Variants in AFF2 observed in about 807,000 individuals in gnomAD.
AFF2 encodes the protein AF4/FMR2 family member 2.
AFF2 carries 14 observed loss-of-function variants against 76.9 expected under a neutral mutation model. That is an observed-to-expected ratio of 0.18 (90% CI 0.12 to 0.28). AFF2 has a LOEUF of 0.28. Ranked by LOEUF, AFF2 falls within the 10% of genes least tolerant of loss-of-function variation. The probability of loss-of-function intolerance (pLI) is 1.00; values close to 1 mark genes in which losing one functional copy is unlikely to be tolerated. For synonymous variants in AFF2, 398 were observed against 366.7 expected, an observed-to-expected ratio of 1.09 and a Z score of -0.98; for missense variants, 868 against 1,001.1, an observed-to-expected ratio of 0.87 and a Z score of 1.79.
intron 16 of AFF2, among the ~76,000 whole-genome samples, chrX:148,976,922 G>A (rs782237443): frequency 1.8e-5 from 2 of 112,608 alleles, no homozygotes; most frequent in South Asian, 7.3e-4. Flanking sequence ...CAGAACTAGA[G>A]CAATAACCAG....
At chrX:148,654,238 G>C (rs1191870421) in intron 2 of AFF2, among the ~76,000 whole-genome samples, 1 of 111,853 alleles carries the variant, frequency 8.9e-6, no homozygotes, top group Non-Finnish European at 1.9e-5. Context: ...GTGCCTCAGA[G>C]AGGTCAGGAA....
At chrX:148,842,092 T>C (rs1291099970) in intron 5 of AFF2, among the ~76,000 whole-genome samples, 1 of 112,505 alleles carries the variant, frequency 8.9e-6, no homozygotes, top group Non-Finnish European at 1.9e-5. Flanking sequence ...CTTGGAACAA[T>C]GATTGATATA....
At chrX:148,817,692 C>CATTTATG (rs1569555920) in intron 4 of AFF2, among the ~76,000 whole-genome samples, 1 of 111,659 alleles carries the variant, frequency 9.0e-6, no homozygotes, top group East Asian at 2.8e-4. Flanking sequence ...ATAATAGTAT[C>CATTTATG]ATTTATGATT....
chrX:148,804,902 A>G (rs2070108068), intron 3 of AFF2, among the ~76,000 whole-genome samples: 1 of 111,881 alleles, frequency 8.9e-6, no homozygotes, highest in Admixed American at 9.4e-5. Flanking sequence ...AGTTTTCCAA[A>G]TTCATTTTGG....
At chrX:148,871,262 G>A (rs782401263) in intron 7 of AFF2, among the ~76,000 whole-genome samples, 1 of 111,091 alleles carries the variant, frequency 9.0e-6, no homozygotes, top group South Asian at 3.9e-4. Context: ...GCCTTACTGT[G>A]GGAGTTACAT....
At chrX:148,973,910 G>T (rs1557289867) in intron 16 of AFF2, among the ~76,000 whole-genome samples, 1 of 111,689 alleles carries the variant, frequency 9.0e-6, no homozygotes, top group African/African-American at 3.3e-5. Flanking sequence ...GTTTAGCATT[G>T]ACTTGTCTTT....
intron 1 of AFF2, among the ~76,000 whole-genome samples, chrX:148,570,578 G>T (rs2053218381): frequency 8.9e-6 from 1 of 111,823 alleles, no homozygotes; most frequent in African/African-American, 3.3e-5. Flanking sequence ...CTGAGACACA[G>T]GACGTTCTCC....
chrX:148,984,757 A>G (rs950793232), intron 19 of AFF2, among the ~76,000 whole-genome samples: 17 of 111,902 alleles, frequency 1.5e-4, no homozygotes, highest in African/African-American at 5.2e-4. Context: ...TTCAAGATGT[A>G]TGTGGTAAAG....
At chrX:148,963,461 G>A (rs1557288341) in intron 13 of AFF2, among the ~76,000 whole-genome samples, 1 of 111,891 alleles carries the variant, frequency 8.9e-6, no homozygotes, top group African/African-American at 3.2e-5. Flanking sequence ...ATAACTCTGG[G>A]CCAATCATGA....
chrX:148,553,340 C>T (rs2053016282), intron 1 of AFF2, among the ~76,000 whole-genome samples: 1 of 111,848 alleles, frequency 8.9e-6, no homozygotes, highest in Non-Finnish European at 1.9e-5. Context: ...TTAATTTTAA[C>T]ACTATATTTT....
chrX:148,590,420 C>A (rs962935346), intron 1 of AFF2, among the ~76,000 whole-genome samples: 5 of 111,601 alleles, frequency 4.5e-5, no homozygotes, highest in Admixed American at 2.9e-4. Flanking sequence ...CCACTAAGAG[C>A]TATTTGCATA....
At chrX:148,573,085 A>G (rs2053248381) in intron 1 of AFF2, among the ~76,000 whole-genome samples, 1 of 111,653 alleles carries the variant, frequency 9.0e-6, no homozygotes, top group Admixed American at 9.6e-5. Context: ...GGTGATGATA[A>G]ATAGCAGACA....
intron 3 of AFF2, among the ~76,000 whole-genome samples, chrX:148,671,113 G>A (rs915959275): frequency 2.7e-5 from 3 of 111,494 alleles, no homozygotes; most frequent in Non-Finnish European, 5.7e-5. Flanking sequence ...AGGTAGATCA[G>A]AGTATTTGGT....
chrX:148,644,789 A>G (rs2054127999), intron 1 of AFF2, among the ~76,000 whole-genome samples: 1 of 111,797 alleles, frequency 8.9e-6, no homozygotes, highest in Admixed American at 9.5e-5. Flanking sequence ...AAAGAAATTT[A>G]TCTATTAATA....
chrX:148,853,453 A>T (rs1485469649), intron 7 of AFF2, among the ~76,000 whole-genome samples: 1 of 111,573 alleles, frequency 9.0e-6, no homozygotes, highest in Non-Finnish European at 1.9e-5. Context: ...TTCATATAAT[A>T]AAACAGAGAT....
At chrX:148,815,957 A>G (rs1490981867) in intron 4 of AFF2, among the ~76,000 whole-genome samples, 1 of 111,843 alleles carries the variant, frequency 8.9e-6, no homozygotes, top group Non-Finnish European at 1.9e-5. Flanking sequence ...GTGATTTTCT[A>G]TTGAATTGGA....
chrX:149,000,416 T>C lies in AFF2; in HGVS notation c.*9084T>C, dbSNP rs1275554483. ...TTCATGTGCTTTATGTGTATAAAAC[T>C]ATATCTGCCTGTGTGGCTTTGCATT... On this transcript the variant is annotated 3_prime_UTR_variant, in exon 21 of 21. Transcript: ENST00000370460. 1.8e-5 allele frequency: 2 copies of C among 113,012 alleles called. No homozygotes were observed. The highest frequency in any genetic ancestry group is 3.7e-5 in the Non-Finnish European group (2 of 53,400). 9.3% of individuals were successfully genotyped at this position (113,012 alleles called of 1,213,427 possible).
intron 1 of AFF2, among the ~76,000 whole-genome samples, chrX:148,631,754 AG>A (rs1268862533): frequency 1.8e-5 from 2 of 112,263 alleles, no homozygotes; most frequent in Non-Finnish European, 3.8e-5. Context: ...AGCCTTCCAG[AG>A]GAGTTAGGGA....
chrX:148,686,381 G>A (rs1319703228), intron 3 of AFF2, among the ~76,000 whole-genome samples: 1 of 111,664 alleles, frequency 9.0e-6, no homozygotes, highest in South Asian at 3.8e-4. Flanking sequence ...CAGTGCCCTT[G>A]TCTTTTGTTC....
Sources: allele counts gnomAD v4.1 joint callset (sites outside exome capture counted in the v4.1 genomes callset), GRCh38; gene constraint gnomAD v4.1.1; transcripts MANE v1.5; gene names NCBI Gene and HGNC (gene_info 2026-07-23, HGNC 2026-07-21).